AGAP1: variants seen among roughly 807,000 people sequenced by gnomAD.
The protein encoded by AGAP1 is arf-GAP with GTPase, ANK repeat and PH domain-containing protein 1.
Under a neutral mutation model 105.3 loss-of-function variants are expected in AGAP1, and 29 were observed. The ratio of observed to expected loss-of-function variants is 0.28; its 90% confidence interval spans 0.21 to 0.38. The LOEUF (loss-of-function observed/expected upper bound fraction) is 0.38, where lower values mean the gene tolerates loss of function less well. AGAP1 is among the 10% of genes least tolerant of loss of function. The probability of loss-of-function intolerance (pLI) is 1.00; values close to 1 mark genes in which losing one functional copy is unlikely to be tolerated. For missense variants in AGAP1, 998 were observed against 1,165.1 expected (o/e 0.86, Z 2.09); for synonymous variants, 509 against 485.9 (o/e 1.05, Z -0.63).
At chr2:236,086,269 T>C (rs890161899) in intron 16 of AGAP1, among the ~76,000 whole-genome samples, 4 of 152,212 alleles carry the variant, frequency 2.6e-5, no homozygotes, top group Non-Finnish European at 5.9e-5. Flanking sequence ...TGCCCCCCAA[T>C]TTACTATTGA....
At position 236,105,038 on chromosome 2, in the gene AGAP1, A is replaced by G. The variant is rs932515249; in HGVS notation, c.2115-15154A>G. Among the ~76,000 whole-genome samples the G allele has an allele frequency of 3.3e-5, 5 of 151,818 alleles. No homozygotes were observed. The highest frequency in any genetic ancestry group is 1.3e-4 in the Admixed American group (2 of 15,216). On this transcript the variant is annotated intron_variant, in intron 16 of 17. Transcript: ENST00000304032. The surrounding 1 kb of genome is among the most constrained non-coding windows in gnomAD (Gnocchi z 4.2). Reference sequence around the variant, plus strand: ...CTGGCAGGTTAGCATCAGGAGAGACACTGTCCTGGCTGCTGGGTGGGAAGA... The same window carrying G: ...CTGGCAGGTTAGCATCAGGAGAGACGCTGTCCTGGCTGCTGGGTGGGAAGA...
Position 235,614,219 on chromosome 2 carries a change from C to T in AGAP1, c.164-94960C>T, listed in dbSNP as rs1158788833. ...GTCTAGAAGGGATGGTGACATTGGCCAGAGTCACCCCATAATCATACAGTT... is the reference window on the plus strand; with the variant it reads ...GTCTAGAAGGGATGGTGACATTGGCTAGAGTCACCCCATAATCATACAGTT... On this transcript the variant is annotated intron_variant, in intron 1 of 17. Coordinates refer to ENST00000304032, the MANE Select transcript of AGAP1 (RefSeq NM_001037131.3). The surrounding 1 kb of genome is among the most constrained non-coding windows in gnomAD (Gnocchi z 4.7). Among the ~76,000 whole-genome samples, 1 of 152,094 alleles carries T rather than the reference C, an allele frequency of 6.6e-6. No individual in the cohort carries two copies. Among genetic ancestry groups the T allele is most frequent in the East Asian group, 1.9e-4 (1 of 5,188 alleles).
At position 235,961,744 on chromosome 2, in the gene AGAP1, T is replaced by C. The variant is rs1027421606; in HGVS notation, c.1484-6718T>C. Among the ~76,000 whole-genome samples the C allele has an allele frequency of 6.6e-6, 1 of 152,174 alleles. No individual in the cohort carries two copies. The highest frequency in any genetic ancestry group is 1.5e-5 in the Non-Finnish European group (1 of 68,046). On this transcript the variant is annotated intron_variant, in intron 12 of 17. Transcript: ENST00000304032. This position sits in a 1 kb window ranked among gnomAD's most constrained non-coding sequence, Gnocchi z 5.9. ...CCAACATGTTGAAACCCGTCTCTACTAAAAATACGAAAATTAGCTGGGCGT... is the reference window on the plus strand; with the variant it reads ...CCAACATGTTGAAACCCGTCTCTACCAAAAATACGAAAATTAGCTGGGCGT...
chr2:235,709,109 C>T (rs1229723281), intron 1 of AGAP1, 70 bp from the exon 2 acceptor site: 1 of 1,485,488 alleles, frequency 6.7e-7, no homozygotes. Flanking sequence ...GAAAATGGCC[C>T]ATTGGAGGCA....
intron 13 of AGAP1, among the ~76,000 whole-genome samples, chr2:236,022,093 C>T (rs1024164828): frequency 6.6e-5 from 10 of 150,858 alleles, no homozygotes; most frequent in East Asian, 3.9e-4. Flanking sequence ...CATATGGCAC[C>T]CTACAGCTCT....
intron 1 of AGAP1, among the ~76,000 whole-genome samples, chr2:235,699,428 A>G (rs1304635594): frequency 1.3e-5 from 2 of 152,130 alleles, no homozygotes; most frequent in South Asian, 2.1e-4. Context: ...GGAGCTCACT[A>G]TATACTAGAA....
intron 13 of AGAP1, among the ~76,000 whole-genome samples, chr2:236,025,398 C>T (rs968167673): frequency 6.6e-6 from 1 of 152,058 alleles, no homozygotes; most frequent in Admixed American, 6.6e-5. Context: ...CGTGTCACTT[C>T]GTAATGTGCT....
chr2:235,922,510 AAGAC>A (rs1219341273), intron 11 of AGAP1, among the ~76,000 whole-genome samples: 2 of 152,222 alleles, frequency 1.3e-5, no homozygotes, highest in African/African-American at 4.8e-5. Flanking sequence ...CCTATTTGTA[AAGAC>A]AGACCAAAAT....
At position 235,569,301 on chromosome 2, in the gene AGAP1, C is replaced by T. The variant is rs1256203607; in HGVS notation, c.163+74452C>T. On this transcript the variant is annotated intron_variant, in intron 1 of 17. Transcript: ENST00000304032. The surrounding 1 kb of genome is among the most constrained non-coding windows in gnomAD (Gnocchi z 5.9). ...TTGCACTCCAGCCTGGGCGACAGAG[C>T]GAGACACCATCTCAAAAAAAAGGAT... Among the ~76,000 whole-genome samples the T allele has an allele frequency of 5.9e-5, 9 of 152,028 alleles. No homozygotes were observed. Among genetic ancestry groups the T allele is most frequent in the Non-Finnish European group, 1.2e-4 (8 of 68,024 alleles).
At chr2:235,918,882 G>A (rs756430056) in intron 11 of AGAP1, among the ~76,000 whole-genome samples, 5 of 152,174 alleles carry the variant, frequency 3.3e-5, no homozygotes, top group Non-Finnish European at 4.4e-5. Context: ...TAAGTGGAGT[G>A]TTCTTTTCTG....
At position 235,744,389 on chromosome 2, in the gene AGAP1, C is replaced by T. The variant is rs565229699; in HGVS notation, c.397-309C>T. Among the ~76,000 whole-genome samples, 13 of 152,224 alleles carry T rather than the reference C, an allele frequency of 8.5e-5. No individual in the cohort carries two copies. Among genetic ancestry groups the T allele is most frequent in the African/African-American group, 2.9e-4 (12 of 41,546 alleles). ...GGGCCGCCTTGGCAGGTCGGGGCAG[C>T]GGGCGGACAGGCCAGGAGCATGAGG... On this transcript the variant is annotated intron_variant, in intron 4 of 17. Coordinates refer to ENST00000304032, the MANE Select transcript of AGAP1 (RefSeq NM_001037131.3). The surrounding 1 kb of genome is among the most constrained non-coding windows in gnomAD (Gnocchi z 5.2).
At chr2:235,791,223 A>G (rs1444444298) in intron 6 of AGAP1, among the ~76,000 whole-genome samples, 1 of 150,070 alleles carries the variant, frequency 6.7e-6, no homozygotes, top group African/African-American at 2.4e-5. Flanking sequence ...AACTATATAG[A>G]TAATTTGGTA....
In AGAP1 at chr2:235,852,976, G is replaced by C. The variant is rs1438733665; in HGVS notation, c.1051-30369G>C. 3 of 1,253,814 alleles carry C rather than the reference G, an allele frequency of 2.4e-6. No homozygotes were observed. In the East Asian group the frequency reaches 9.4e-5, roughly 39 times the overall value. The allele number at this position is 1,253,814 out of a possible 1,614,324, so 77.7% of individuals were successfully genotyped here. A position where few individuals can be genotyped will look rare whatever the true frequency, so the allele number is the denominator to read the frequency against. ...ACACCTTCCAACAAAGAGGTTACAG[G>C]AGGGAGAGCTGGAGAAATGGAGCGC... On this transcript the variant is annotated intron_variant, in intron 9 of 17. Transcript: ENST00000304032.
chr2:235,890,883 T>C (rs1442831029), intron 10 of AGAP1, among the ~76,000 whole-genome samples: 2 of 148,424 alleles, frequency 1.3e-5, no homozygotes, highest in Admixed American at 6.8e-5. Context: ...TAGTTGGATT[T>C]CTAAGGAAAA....
rs2056630529 is a variant in AGAP1, at chr2:236,014,646, C to T, written c.1646-21915C>T. On this transcript the variant is annotated intron_variant, in intron 13 of 17. Coordinates refer to ENST00000304032, the MANE Select transcript of AGAP1 (RefSeq NM_001037131.3). This position sits in a 1 kb window ranked among gnomAD's most constrained non-coding sequence, Gnocchi z 6.3. ...ACCGCAGGGGAGTTGGAGGGCTCAG[C>T]CCAGGGAGCTCCATGGCACCCACCC... Among the ~76,000 whole-genome samples, 1 of 152,208 alleles carries T rather than the reference C, an allele frequency of 6.6e-6. No homozygotes were observed. Among genetic ancestry groups the T allele is most frequent in the Admixed American group, 6.5e-5 (1 of 15,288 alleles).
chr2:235,627,795 T>C (rs530989841), intron 1 of AGAP1, among the ~76,000 whole-genome samples: 14 of 152,144 alleles, frequency 9.2e-5, no homozygotes, highest in Non-Finnish European at 1.9e-4. Flanking sequence ...AGAGAAATGG[T>C]TTTTCTTGGT....
chr2:235,626,106 T>C (rs1946628003), intron 1 of AGAP1, among the ~76,000 whole-genome samples: 1 of 151,396 alleles, frequency 6.6e-6, no homozygotes, highest in Non-Finnish European at 1.5e-5. Context: ...CCCAGCACTT[T>C]GGGAGGCCGA....
In AGAP1 at chr2:235,867,414, G is replaced by A. The variant is rs888870272; in HGVS notation, c.1051-15931G>A. On this transcript the variant is annotated intron_variant, in intron 9 of 17. Transcript: ENST00000304032. This position sits in a 1 kb window ranked among gnomAD's most constrained non-coding sequence, Gnocchi z 5.4. The stretch of plus-strand genomic sequence containing the variant: ...TTTGGCCGACATGTGGGAGCTTGCC[G>A]GCCCCAGTCCCGTAGGATCCCCAAC... Among the ~76,000 whole-genome samples the A allele has an allele frequency of 1.3e-5, 2 of 152,152 alleles. No individual in the cohort carries two copies. Among genetic ancestry groups the A allele is most frequent in the African/African-American group, 2.4e-5 (1 of 41,430 alleles).
chr2:235,511,344 G>T (rs1003420559), intron 1 of AGAP1, among the ~76,000 whole-genome samples: 1 of 152,202 alleles, frequency 6.6e-6, no homozygotes, highest in East Asian at 1.9e-4. Context: ...CCGCCCTCTC[G>T]GTGAGCAAGG....
Sources: allele counts gnomAD v4.1 joint callset (sites outside exome capture counted in the v4.1 genomes callset), GRCh38; gene constraint gnomAD v4.1.1; non-coding constraint Gnocchi (gnomAD v3.1); transcripts MANE v1.5; gene names NCBI Gene and HGNC (gene_info 2026-07-23, HGNC 2026-07-21).